The following SGK3 variants were observed in gnomAD, a reference collection of about 807,000 sequenced individuals.
SGK3 encodes serum/glucocorticoid regulated kinase family member 3, also known as serine/threonine-protein kinase Sgk3.
Under a neutral mutation model 68.5 loss-of-function variants are expected in SGK3, and 47 were observed. The ratio of observed to expected loss-of-function variants is 0.69; its 90% confidence interval spans 0.54 to 0.87. The LOEUF (loss-of-function observed/expected upper bound fraction) is 0.87, where lower values mean the gene tolerates loss of function less well. SGK3 is among the 40% of genes least tolerant of loss of function. The pLI is 0.00. For missense variants in SGK3, 479 were observed against 575.5 expected, an observed-to-expected ratio of 0.83 and a Z score of 1.72; for synonymous variants, 181 against 189.1, an observed-to-expected ratio of 0.96 and a Z score of 0.35.
intron 3 of SGK3, among the ~76,000 whole-genome samples, chr8:66,801,657 T>TTCTCTCTC (rs145435219): frequency 2.0e-5 from 3 of 151,442 alleles, no homozygotes; most frequent in African/African-American, 7.3e-5. Flanking sequence ...CCCTCTCTCT[T>TTCTCTCTC]TCTCTCTCTC....
intron 1 of SGK3, among the ~76,000 whole-genome samples, chr8:66,736,846 C>T (rs567009063): frequency 1.5e-3 from 221 of 152,032 alleles, no homozygotes; most frequent in South Asian, 7.1e-3. Context: ...CTTGAACTCC[C>T]GACCTCAGGT....
intron 1 of SGK3, chr8:66,767,596 G>T (rs768748790): frequency 5.8e-6 from 8 of 1,369,024 alleles, no homozygotes; most frequent in South Asian, 2.3e-5. Context: ...GGGGAGATGT[G>T]CAATCTGGTG....
intron 1 of SGK3, among the ~76,000 whole-genome samples, chr8:66,762,966 G>A (rs1342247620): frequency 6.6e-6 from 1 of 152,234 alleles, no homozygotes; most frequent in Non-Finnish European, 1.5e-5. Context: ...TTTTCCATCA[G>A]GAGGCATAAA....
chr8:66,810,429 G>A (rs574973063), intron 4 of SGK3, among the ~76,000 whole-genome samples: 11 of 152,304 alleles, frequency 7.2e-5, no homozygotes, highest in Admixed American at 2.6e-4. Context: ...AGCTGGGAGC[G>A]GTGGCTCACG....
At chr8:66,797,964 C>T (rs1286144508) in intron 2 of SGK3, among the ~76,000 whole-genome samples, 4 of 151,858 alleles carry the variant, frequency 2.6e-5, no homozygotes, top group Non-Finnish European at 4.4e-5. Context: ...AATAAAATAT[C>T]ACCTATTTTT....
At chr8:66,801,140 A>G (rs1294247641) in intron 3 of SGK3, among the ~76,000 whole-genome samples, 5 of 152,238 alleles carry the variant, frequency 3.3e-5, no homozygotes, top group Non-Finnish European at 5.9e-5. Context: ...AGTGATTTGG[A>G]TTTCAAATTT....
chr8:66,778,584 C>T (rs1401282936), intron 1 of SGK3, among the ~76,000 whole-genome samples: 2 of 152,354 alleles, frequency 1.3e-5, no homozygotes, highest in African/African-American at 2.4e-5. Flanking sequence ...CGTGAGCCAC[C>T]GTGCCCAGCC....
chr8:66,808,845 T>C (rs1808267258), intron 4 of SGK3, among the ~76,000 whole-genome samples: 1 of 150,814 alleles, frequency 6.6e-6, no homozygotes, highest in African/African-American at 2.4e-5. Flanking sequence ...TTTGGAAATA[T>C]AGTTTGAAAT....
chr8:66,768,723 C>T (rs536644836), intron 1 of SGK3, among the ~76,000 whole-genome samples: 1 of 152,222 alleles, frequency 6.6e-6, no homozygotes, highest in Non-Finnish European at 1.5e-5. Context: ...TGCCACCACA[C>T]CCGGCTAATT....
chr8:66,835,115 C>G (rs1308298570), intron 8 of SGK3, among the ~76,000 whole-genome samples: 1 of 151,126 alleles, frequency 6.6e-6, no homozygotes, highest in Admixed American at 6.6e-5. Flanking sequence ...ACAAAAAATT[C>G]AAAAATTAGC....
At position 66,835,744 on chromosome 8, in the gene SGK3, T is replaced by G; in HGVS notation, c.526-19T>G. On this transcript the variant is annotated intron_variant, in intron 8 of 16. Coordinates refer to ENST00000521198, the MANE Select transcript of SGK3 (RefSeq NM_001033578.3). ...ATTTGAAATTTCTAATAGTATACAC[T>G]AATGTTTAACTATAACAGGTTCTTC... 6.2e-7 allele frequency: 1 copy of G among 1,606,520 alleles called. No homozygotes were observed. Among genetic ancestry groups the G allele is most frequent in the Admixed American group, 1.7e-5 (1 of 58,210 alleles).
At chr8:66,825,373 G>A (rs1809012118) in intron 6 of SGK3, among the ~76,000 whole-genome samples, 1 of 148,294 alleles carries the variant, frequency 6.7e-6, no homozygotes, top group African/African-American at 2.5e-5. Context: ...CCGTCGCCCA[G>A]GCTGGAGTGC....
chr8:66,837,960 T>C (rs1809606358), intron 10 of SGK3, among the ~76,000 whole-genome samples: 1 of 152,250 alleles, frequency 6.6e-6, no homozygotes, highest in Admixed American at 6.5e-5. Context: ...CTTGGCACTT[T>C]GCAATTATTT....
chr8:66,790,486 G>T (rs1212043492), intron 1 of SGK3, among the ~76,000 whole-genome samples: 1 of 152,192 alleles, frequency 6.6e-6, no homozygotes, highest in Non-Finnish European at 1.5e-5. Flanking sequence ...TAGGATTCAA[G>T]TCATTGTCCT....
chr8:66,743,067 T>C (rs1265210782), intron 1 of SGK3, among the ~76,000 whole-genome samples: 1 of 152,174 alleles, frequency 6.6e-6, no homozygotes, highest in Non-Finnish European at 1.5e-5. Context: ...CCTCCACCAA[T>C]TCTCTACTCC....
chr8:66,857,898 G>T (rs1337411288), intron 16 of SGK3, among the ~76,000 whole-genome samples: 2 of 150,442 alleles, frequency 1.3e-5, no homozygotes, highest in African/African-American at 4.9e-5. Flanking sequence ...GTTAACCACT[G>T]CCTTTGAGCC....
intron 1 of SGK3, among the ~76,000 whole-genome samples, chr8:66,726,759 C>T (rs908094611): frequency 7.1e-6 from 1 of 141,388 alleles, no homozygotes; most frequent in Non-Finnish European, 1.5e-5. Flanking sequence ...CATGATTGCT[C>T]TGCTGCACTC....
intron 14 of SGK3, 151 bp downstream of exon 14, chr8:66,843,698 T>C: frequency 2.6e-6 from 2 of 758,160 alleles, no homozygotes; most frequent in Non-Finnish European, 4.0e-6. Flanking sequence ...ACATTAGGAA[T>C]AAGGACAAAA....
chr8:66,840,030 T>C lies in SGK3; in HGVS notation c.769T>C (p.Ser257Pro). The C allele has an allele frequency of 6.2e-7, 1 of 1,613,734 alleles. No individual in the cohort carries two copies. Among genetic ancestry groups the C allele is most frequent in the Non-Finnish European group, 8.5e-7 (1 of 1,179,892 alleles). The change falls in exon 11 of 17, where the codon TCC (serine) becomes CCC (proline). Residue 257 changes from serine (S) to proline (P), a missense_variant. Ser to Pro is a moderately conservative substitution (Grantham distance 74). Transcript: ENST00000521198. ...TTTTTTCCACTTACAAAGAGAACGGTCCTTTCCTGAGCACAGAGCTAGGTT... is the reference window on the plus strand; with the variant it reads ...TTTTTTCCACTTACAAAGAGAACGGCCCTTTCCTGAGCACAGAGCTAGGTT... ...ELFFHLQRERSFPEHRARFYA... is the reference protein window; with the variant it reads ...ELFFHLQRERPFPEHRARFYA...
Sources: gnomAD v4.1 joint callset for allele counts (sites outside exome capture counted in the v4.1 genomes callset) on GRCh38, gnomAD v4.1.1 for gene constraint, MANE v1.5 for transcripts, NCBI Gene and HGNC (gene_info 2026-07-23, HGNC 2026-07-21) for gene names.